PDE5A: variants seen among roughly 807,000 people sequenced by gnomAD.
PDE5A encodes phosphodiesterase 5A, also known as cGMP-specific 3',5'-cyclic phosphodiesterase.
In PDE5A, 67 loss-of-function variants were observed where a neutral mutation model predicts 110.2. The ratio of observed to expected loss-of-function variants is 0.61; its 90% CI spans 0.50 to 0.75. PDE5A has a LOEUF of 0.75. Among genes scored for constraint, PDE5A ranks in the 30% least tolerant of loss-of-function variants. The pLI, the probability that PDE5A is intolerant of heterozygous loss-of-function variation, is 0.00. For synonymous variants in PDE5A, 328 were observed against 351.2 expected, an observed-to-expected ratio of 0.93 and a Z score of 0.74; for missense variants, 862 against 1,045.1, an observed-to-expected ratio of 0.82 and a Z score of 2.42.
At chr4:119,619,548 T>G (rs1186059329) in intron 1 of PDE5A, among the ~76,000 whole-genome samples, 1 of 152,280 alleles carries the variant, frequency 6.6e-6, no homozygotes, top group South Asian at 2.1e-4. Flanking sequence ...CCACAAAAAC[T>G]TCTGTTCGAA....
rs765329485 is a variant in PDE5A at position 119,501,268 on chromosome 4, A to G, written c.2407-15T>C. On this transcript the variant is annotated splice_polypyrimidine_tract_variant and intron_variant, in intron 19 of 20. Coordinates refer to ENST00000354960, the MANE Select transcript of PDE5A (RefSeq NM_001083.4). The stretch of plus-strand genomic sequence containing the variant: ...TTCATTAGATCCTGAAAATACAAAT[A>G]CAGACCAGACACACAGATGTGCATT... 5.8e-6 allele frequency: 8 copies of G among 1,391,298 alleles called. No homozygotes were observed. In the Admixed American group the frequency reaches 1.3e-4, roughly 23 times the overall value. The allele number at this position is 1,391,298 out of a possible 1,614,324, so 86.2% of individuals were successfully genotyped here. A position where few individuals can be genotyped will look rare whatever the true frequency, so the allele number is the denominator to read the frequency against.
At chr4:119,597,692 C>A (rs1393635461) in intron 2 of PDE5A, among the ~76,000 whole-genome samples, 3 of 151,960 alleles carry the variant, frequency 2.0e-5, no homozygotes, top group Non-Finnish European at 4.4e-5. Flanking sequence ...TGGAAAAGCT[C>A]ATCTTTTGAT....
At chr4:119,590,456 A>C (rs1365422328) in intron 3 of PDE5A, among the ~76,000 whole-genome samples, 2 of 152,086 alleles carry the variant, frequency 1.3e-5, no homozygotes, top group African/African-American at 4.8e-5. Flanking sequence ...TGACCTTCCA[A>C]AATAAATTAT....
intron 3 of PDE5A, among the ~76,000 whole-genome samples, chr4:119,593,994 G>A (rs1729068858): frequency 6.6e-6 from 1 of 152,078 alleles, no homozygotes; most frequent in South Asian, 2.1e-4. Context: ...GGGGGAAAAC[G>A]CCCACATGAT....
At chr4:119,529,897 A>G (rs1212323722) in intron 11 of PDE5A, among the ~76,000 whole-genome samples, 1 of 152,106 alleles carries the variant, frequency 6.6e-6, no homozygotes, top group Non-Finnish European at 1.5e-5. Context: ...CAGTTCTCAA[A>G]GTTAAGTTCC....
chr4:119,581,091 A>G (rs943587824), intron 3 of PDE5A, among the ~76,000 whole-genome samples: 7 of 152,238 alleles, frequency 4.6e-5, no homozygotes, highest in Non-Finnish European at 8.8e-5. Context: ...TTATGAGTCC[A>G]TGTCTCTATA....
rs1327870237 is a variant in PDE5A, at chr4:119,497,067, G to C, written c.*1534C>G. Reference sequence around the variant, plus strand: ...TTTAGGCAAAATTTAGGGGAATCGGGACATAGATGGAAAACACATTTTGGC... The same window carrying C: ...TTTAGGCAAAATTTAGGGGAATCGGCACATAGATGGAAAACACATTTTGGC... On this transcript the variant is annotated 3_prime_UTR_variant, in exon 21 of 21. Transcript: ENST00000354960. The C allele has an allele frequency of 1.3e-5, 2 of 152,042 alleles. No individual in the cohort carries two copies. Among genetic ancestry groups the C allele is most frequent in the African/African-American group, 4.8e-5 (2 of 41,418 alleles). 9.4% of individuals were successfully genotyped at this position (152,042 alleles called of 1,614,324 possible). A position where few individuals can be genotyped will look rare whatever the true frequency, so the allele number is the denominator to read the frequency against.
chr4:119,542,523 A>G lies in PDE5A; in HGVS notation c.1508T>C (p.Ile503Thr), dbSNP rs1410144882. 3.1e-6 allele frequency: 5 copies of G among 1,613,922 alleles called. No individual in the cohort carries two copies. The highest frequency in any genetic ancestry group is 4.2e-6 in the Non-Finnish European group (5 of 1,179,922). Residue 503 changes from isoleucine (I) to threonine (T), a missense_variant, in exon 10 of 21, where the codon ATC (isoleucine) becomes ACC (threonine). Transcript: ENST00000354960. Reference sequence around the variant, plus strand: ...TGCTTCATACATCTGCGTGTTCTGGATCCCCAAGCCACAAAAGATGACAAA... The same window carrying G: ...TGCTTCATACATCTGCGTGTTCTGGGTCCCCAAGCCACAAAAGATGACAAA... ...EAFVIFCGLGIQNTQMYEAVE... is the reference protein window; with the variant it reads ...EAFVIFCGLGTQNTQMYEAVE...
intron 3 of PDE5A, among the ~76,000 whole-genome samples, chr4:119,575,762 G>A (rs1448777924): frequency 6.6e-6 from 1 of 152,222 alleles, no homozygotes; most frequent in Non-Finnish European, 1.5e-5. Context: ...TCAAGGCTAG[G>A]AAGAAACTGC....
intron 18 of PDE5A, among the ~76,000 whole-genome samples, chr4:119,503,209 G>A (rs922247293): frequency 2.6e-5 from 4 of 152,058 alleles, no homozygotes; most frequent in Non-Finnish European, 5.9e-5. Context: ...TAAGCAGCCC[G>A]GAGTCTTGAC....
At chr4:119,563,350 T>A (rs1054099287) in intron 5 of PDE5A, among the ~76,000 whole-genome samples, 5 of 152,338 alleles carry the variant, frequency 3.3e-5, no homozygotes, top group African/African-American at 1.2e-4. Flanking sequence ...AACGCACTGT[T>A]AATGTTGTTC....
intron 9 of PDE5A, among the ~76,000 whole-genome samples, chr4:119,545,443 A>G (rs1338585558): frequency 6.6e-6 from 1 of 152,198 alleles, no homozygotes; most frequent in Non-Finnish European, 1.5e-5. Context: ...AAAACCAAAA[A>G]TAAAAGAGAA....
intron 9 of PDE5A, chr4:119,550,512 C>G (rs1219662707): frequency 1.3e-5 from 2 of 152,172 alleles, no homozygotes; most frequent in Non-Finnish European, 2.9e-5. Flanking sequence ...GTCCGACCCC[C>G]AGTCCAGCAC....
intron 3 of PDE5A, among the ~76,000 whole-genome samples, chr4:119,590,036 C>G (rs950060946): frequency 1.3e-5 from 2 of 152,186 alleles, no homozygotes; most frequent in Non-Finnish European, 2.9e-5. Flanking sequence ...CCATAGCAGA[C>G]TTTTAAGAAA....
intron 1 of PDE5A, among the ~76,000 whole-genome samples, chr4:119,621,072 G>T (rs983253831): frequency 4.6e-5 from 7 of 152,176 alleles, no homozygotes; most frequent in Admixed American, 3.9e-4. Flanking sequence ...GTAATTAACT[G>T]AGAATGTATT....
chr4:119,576,959 A>C (rs1267347314), intron 3 of PDE5A, among the ~76,000 whole-genome samples: 11 of 152,158 alleles, frequency 7.2e-5, no homozygotes, highest in Non-Finnish European at 1.5e-4. Flanking sequence ...ATAAAGAAGA[A>C]AAGAGAGAAG....
chr4:119,547,731 G>A (rs887912931), intron 9 of PDE5A, among the ~76,000 whole-genome samples: 1 of 151,906 alleles, frequency 6.6e-6, no homozygotes, highest in Non-Finnish European at 1.5e-5. Flanking sequence ...GGTTCTAAGT[G>A]AGTTTTTTCC....
chr4:119,549,746 T>C (rs1224209161), intron 9 of PDE5A: 1 of 152,188 alleles, frequency 6.6e-6, no homozygotes, highest in African/African-American at 2.4e-5. Context: ...ATGAGAAATA[T>C]ATTTCCTTAA....
At chr4:119,594,838 G>A (rs1240163230) in intron 3 of PDE5A, among the ~76,000 whole-genome samples, 4 of 152,120 alleles carry the variant, frequency 2.6e-5, no homozygotes, top group South Asian at 2.1e-4. Flanking sequence ...AGCAGACCCA[G>A]GTAATCATCA....
Sources: allele counts gnomAD v4.1 joint callset (sites outside exome capture counted in the v4.1 genomes callset), GRCh38; gene constraint gnomAD v4.1.1; transcripts MANE v1.5; gene names NCBI Gene and HGNC (gene_info 2026-07-23, HGNC 2026-07-21).